Variants in SGCZ observed in about 807,000 individuals in gnomAD.
The protein encoded by SGCZ is sarcoglycan zeta.
Under a neutral mutation model 41.3 loss-of-function variants are expected in SGCZ, and 40 were observed. That is an observed-to-expected ratio of 0.97 (90% CI 0.75 to 1.26). The LOEUF (loss-of-function observed/expected upper bound fraction) is 1.26, where lower values mean the gene tolerates loss of function less well. Among genes scored for constraint, SGCZ ranks in the 50% most tolerant of loss-of-function variants. The pLI is 0.00. For missense variants in SGCZ, 552 were observed against 369.8 expected (o/e 1.49, Z -4.04); for synonymous variants, 206 against 137.5 (o/e 1.50, Z -3.49).
chr8:14,802,363 G>C (rs891110440), intron 1 of SGCZ, among the ~76,000 whole-genome samples: 1 of 152,136 alleles, frequency 6.6e-6, no homozygotes, highest in South Asian at 2.1e-4. Flanking sequence ...CTTAACAAAA[G>C]AAAACAGCTG....
chr8:14,532,772 A>C (rs1240609972), intron 2 of SGCZ, among the ~76,000 whole-genome samples: 1 of 150,984 alleles, frequency 6.6e-6, no homozygotes, highest in Non-Finnish European at 1.5e-5. Flanking sequence ...AAGAAGACTA[A>C]GCTATTTCAC....
At chr8:14,280,579 G>A (rs867694249) in intron 3 of SGCZ, among the ~76,000 whole-genome samples, 15 of 151,754 alleles carry the variant, frequency 9.9e-5, no homozygotes, top group Admixed American at 2.0e-4. Context: ...CCCTTAAATC[G>A]GAAATCTCTG....
chr8:14,551,179 G>A (rs1197133185), intron 2 of SGCZ, among the ~76,000 whole-genome samples: 1 of 144,796 alleles, frequency 6.9e-6, no homozygotes. Context: ...AACCTTAGTT[G>A]GTACTTTTGT....
At chr8:14,615,253 G>C (rs1204947433) in intron 1 of SGCZ, among the ~76,000 whole-genome samples, 2 of 152,128 alleles carry the variant, frequency 1.3e-5, no homozygotes, top group African/African-American at 4.8e-5. Flanking sequence ...ACATAGTTTA[G>C]TTCAAACTAA....
chr8:14,634,065 T>G lies in SGCZ; in HGVS notation c.40-79139A>C, dbSNP rs150032570. Among the ~76,000 whole-genome samples, 1,338 of 152,020 alleles carry G rather than the reference T, an allele frequency of 8.8e-3. 19 individuals are homozygous for G. The highest frequency in any genetic ancestry group is 0.031 in the African/African-American group (1,268 of 41,554). On this transcript the variant is annotated intron_variant, in intron 1 of 7. Coordinates refer to ENST00000382080, the MANE Select transcript of SGCZ (RefSeq NM_139167.4). ...ACAGAATTTAAGTCAAGATAATATG[T>G]AATTTCACATTTTATATAATTTTCA...
intron 1 of SGCZ, among the ~76,000 whole-genome samples, chr8:15,163,212 C>CATGTGT (rs1197539613): frequency 4.6e-5 from 7 of 152,188 alleles, no homozygotes; most frequent in African/African-American, 1.7e-4. Flanking sequence ...TAACATTTAT[C>CATGTGT]ATGTGTCGGC....
intron 1 of SGCZ, among the ~76,000 whole-genome samples, chr8:14,555,930 A>G (rs1804022289): frequency 6.6e-6 from 1 of 152,058 alleles, no homozygotes; most frequent in Non-Finnish European, 1.5e-5. Context: ...ATTTAACTCT[A>G]AGAACACTAT....
intron 2 of SGCZ, among the ~76,000 whole-genome samples, chr8:14,343,287 G>T (rs903675326): frequency 6.6e-6 from 1 of 152,140 alleles, no homozygotes; most frequent in Non-Finnish European, 1.5e-5. Context: ...CTGCCTAGTG[G>T]AGCTGCAAGA....
At chr8:14,433,658 G>T (rs1171050089) in intron 2 of SGCZ, among the ~76,000 whole-genome samples, 1 of 152,208 alleles carries the variant, frequency 6.6e-6, no homozygotes, top group Non-Finnish European at 1.5e-5. Context: ...AATAAAAAAG[G>T]TGCAGCTTGT....
intron 1 of SGCZ, among the ~76,000 whole-genome samples, chr8:14,821,185 G>A (rs1447719325): frequency 6.6e-6 from 1 of 151,910 alleles, no homozygotes; most frequent in Non-Finnish European, 1.5e-5. Context: ...TATTATGAAT[G>A]AACAGCTTCA....
chr8:14,246,751 CA>C (rs953393452), intron 3 of SGCZ, among the ~76,000 whole-genome samples: 2 of 151,368 alleles, frequency 1.3e-5, no homozygotes, highest in Non-Finnish European at 2.9e-5. Context: ...ACTAAAAATA[CA>C]ATAAGAAATT....
intron 1 of SGCZ, among the ~76,000 whole-genome samples, chr8:15,072,263 G>A (rs898926783): frequency 2.0e-5 from 3 of 152,022 alleles, no homozygotes; most frequent in Non-Finnish European, 2.9e-5. Context: ...ACTCCTTCAT[G>A]CAGAACTCAC....
chr8:14,948,103 T>C (rs545462220), intron 1 of SGCZ, among the ~76,000 whole-genome samples: 1 of 152,290 alleles, frequency 6.6e-6, no homozygotes, highest in East Asian at 1.9e-4. Context: ...AGGAAGAGAC[T>C]GGTACTATTC....
chr8:14,178,144 G>A (rs769803084), intron 4 of SGCZ, among the ~76,000 whole-genome samples: 7 of 151,300 alleles, frequency 4.6e-5, no homozygotes, highest in Non-Finnish European at 8.8e-5. Flanking sequence ...TGTGGAGATG[G>A]GGTTTCACCA....
At chr8:15,004,435 G>C (rs754436292) in intron 1 of SGCZ, among the ~76,000 whole-genome samples, 2 of 152,122 alleles carry the variant, frequency 1.3e-5, no homozygotes, top group Non-Finnish European at 2.9e-5. Flanking sequence ...ACCAAAAAAG[G>C]CAGACACTTA....
chr8:14,365,120 T>C (rs567311968), intron 2 of SGCZ, among the ~76,000 whole-genome samples: 1 of 152,186 alleles, frequency 6.6e-6, no homozygotes, highest in East Asian at 1.9e-4. Flanking sequence ...TTGTCATATA[T>C]GTTATTACAG....
chr8:14,644,840 G>A (rs61423120), intron 1 of SGCZ, among the ~76,000 whole-genome samples: 26,630 of 151,440 alleles, frequency 0.18, 2,631 homozygotes, highest in South Asian at 0.32. Flanking sequence ...TAAGTTATGG[G>A]GAAATTAGTC....
chr8:15,097,277 T>C (rs986042938), intron 1 of SGCZ, among the ~76,000 whole-genome samples: 2 of 152,188 alleles, frequency 1.3e-5, no homozygotes, highest in African/African-American at 4.8e-5. Flanking sequence ...AGAATGCCTT[T>C]ATAATCTTAT....
intron 1 of SGCZ, among the ~76,000 whole-genome samples, chr8:14,875,187 G>A (rs1406011550): frequency 6.6e-6 from 1 of 152,166 alleles, no homozygotes; most frequent in African/African-American, 2.4e-5. Flanking sequence ...ATGATACCGT[G>A]TTGCTACATC....
Sources: allele counts gnomAD v4.1 joint callset (sites outside exome capture counted in the v4.1 genomes callset), GRCh38; gene constraint gnomAD v4.1.1; transcripts MANE v1.5; gene names NCBI Gene and HGNC (gene_info 2026-07-23, HGNC 2026-07-21).